The following ANKRD30B variants were observed in gnomAD, a reference collection of about 807,000 sequenced individuals.
ANKRD30B encodes the protein ankyrin repeat domain-containing protein 30B.
Under a neutral mutation model 202.2 loss-of-function variants are expected in ANKRD30B, and 144 were observed. That is an observed-to-expected ratio of 0.71 (90% confidence interval 0.62 to 0.82). The LOEUF is 0.82. Ranked by LOEUF, ANKRD30B falls within the 40% of genes least tolerant of loss-of-function variation. The probability of loss-of-function intolerance (pLI) is 0.00; values close to 1 mark genes in which losing one functional copy is unlikely to be tolerated. For synonymous variants in ANKRD30B, 508 were observed against 561.3 expected, an observed-to-expected ratio of 0.91 and a Z score of 1.34; for missense variants, 1,487 against 1,669.1, an observed-to-expected ratio of 0.89 and a Z score of 1.90.
the ANKRD30B span, among the ~76,000 whole-genome samples, chr18:14,940,427 C>G: frequency 6.6e-6 from 1 of 152,158 alleles, no homozygotes; most frequent in African/African-American, 2.4e-5. Context: ...AGTTGGGGGT[C>G]TATCCACCAC....
the ANKRD30B span, among the ~76,000 whole-genome samples, chr18:14,907,680 G>A: frequency 1.6e-4 from 25 of 152,308 alleles, no homozygotes; most frequent in Non-Finnish European, 2.5e-4. Flanking sequence ...GCATGTCCCG[G>A]ATGTAGCTGT....
intron 41 of ANKRD30B, among the ~76,000 whole-genome samples, chr18:14,851,308 G>A (rs546263752): frequency 1.4e-5 from 2 of 146,958 alleles, no homozygotes; most frequent in South Asian, 4.3e-4. Flanking sequence ...TCATGAATTC[G>A]TTGTCTCCAA....
At position 14,790,997 on chromosome 18, in the gene ANKRD30B, T is replaced by G. The variant is rs985034927; in HGVS notation, c.1735-404T>G. Among the ~76,000 whole-genome samples, 66 of 152,224 alleles carry G rather than the reference T, an allele frequency of 4.3e-4. 3 individuals are homozygous for G. Among genetic ancestry groups the G allele is most frequent in the Non-Finnish European group, 4.4e-5 (3 of 68,042 alleles). ...GTTCCTCCTTATACCTCTGGAAGAA[T>G]TCGGCTGTAAATCCATCTGGTCCTG... On this transcript the variant is annotated intron_variant, in intron 15 of 43. Transcript: ENST00000690538.
At chr18:14,790,273 C>G (rs1417713803) in intron 15 of ANKRD30B, among the ~76,000 whole-genome samples, 3 of 152,116 alleles carry the variant, frequency 2.0e-5, no homozygotes, top group African/African-American at 7.2e-5. Context: ...TGCTTATCAG[C>G]TTAAGGAGAT....
At chr18:14,932,036 C>G in the ANKRD30B span, among the ~76,000 whole-genome samples, 2 of 128,338 alleles carry the variant, frequency 1.6e-5, no homozygotes, top group Non-Finnish European at 1.7e-5. Context: ...GGCGCCCCAC[C>G]CCACCTCCCT....
In ANKRD30B at chr18:14,822,521, T is replaced by A. The variant is rs1442941009; in HGVS notation, c.2670+10T>A. On this transcript the variant is annotated intron_variant, in intron 31 of 43. Coordinates refer to ENST00000690538, the MANE Select transcript of ANKRD30B (RefSeq NM_001367607.2). ...AGATGGTCTTCTGAAGGTAATAACT[T>A]TTATATTTTTATCTTGAATATTAAC... 2 of 1,302,500 alleles carry A rather than the reference T, an allele frequency of 1.5e-6. No individual in the cohort carries two copies. The highest frequency in any genetic ancestry group is 4.9e-5 in the East Asian group (2 of 40,662). 80.7% of individuals were successfully genotyped at this position (1,302,500 alleles called of 1,614,324 possible). A position where few individuals can be genotyped will look rare whatever the true frequency, so the allele number is the denominator to read the frequency against.
At chr18:14,929,940 G>A in the ANKRD30B span, among the ~76,000 whole-genome samples, 1 of 152,146 alleles carries the variant, frequency 6.6e-6, no homozygotes, top group South Asian at 2.1e-4. Flanking sequence ...CAGCCAGATG[G>A]AGTCCCAGCA....
chr18:14,821,521 G>C lies in ANKRD30B; in HGVS notation c.2642-962G>C, dbSNP rs756454734. ...CATCCAGGCTGGAGCGCAGTGGCAC[G>C]ATCTTGACTCACTGCCACCTCCGCC... On this transcript the variant is annotated intron_variant, in intron 30 of 43. Coordinates refer to ENST00000690538, the MANE Select transcript of ANKRD30B (RefSeq NM_001367607.2). Among the ~76,000 whole-genome samples, 3 of 152,230 alleles carry C rather than the reference G, an allele frequency of 2.0e-5. No individual in the cohort carries two copies. In the Middle Eastern group the frequency reaches 0.01, roughly 518 times the overall value.
chr18:14,757,560 T>C (rs1914566838), intron 4 of ANKRD30B, among the ~76,000 whole-genome samples: 1 of 152,204 alleles, frequency 6.6e-6, no homozygotes, highest in Non-Finnish European at 1.5e-5. Context: ...TCTTTGCCTC[T>C]TTTAGGTTAG....
intron 30 of ANKRD30B, chr18:14,816,609 C>T (rs1243770212): frequency 1.3e-5 from 2 of 148,448 alleles, no homozygotes; most frequent in Non-Finnish European, 3.0e-5. Flanking sequence ...CATGCACCTA[C>T]ACTCCAGCCT....
chr18:14,749,544 G>T (rs1475423564), intron 1 of ANKRD30B, among the ~76,000 whole-genome samples: 1 of 151,758 alleles, frequency 6.6e-6, no homozygotes, highest in Non-Finnish European at 1.5e-5. Context: ...GATGTCGGGT[G>T]CCTGTAATCC....
the ANKRD30B span, among the ~76,000 whole-genome samples, chr18:14,876,237 T>C: frequency 6.6e-6 from 1 of 152,076 alleles, no homozygotes; most frequent in Non-Finnish European, 1.5e-5. Context: ...ATTTGATATG[T>C]GTCCTTGATT....
chr18:14,794,138 AC>A (rs999290831), intron 16 of ANKRD30B, among the ~76,000 whole-genome samples: 57 of 152,304 alleles, frequency 3.7e-4, no homozygotes, highest in African/African-American at 1.3e-3. Flanking sequence ...ATGCCATGTG[AC>A]CTGTCCTGAT....
chr18:14,793,202 G>T (rs1210587804), intron 16 of ANKRD30B, among the ~76,000 whole-genome samples: 1 of 151,804 alleles, frequency 6.6e-6, no homozygotes, highest in East Asian at 1.9e-4. Context: ...TTAGTATTAT[G>T]CTCCAAGTAT....
intron 39 of ANKRD30B, among the ~76,000 whole-genome samples, chr18:14,848,250 A>T (rs1399122942): frequency 2.0e-5 from 3 of 151,776 alleles, no homozygotes; most frequent in Non-Finnish European, 4.4e-5. Context: ...ATTTTTAGTT[A>T]TTTTAGCTAA....
At chr18:14,917,579 G>A in the ANKRD30B span, among the ~76,000 whole-genome samples, 3 of 152,226 alleles carry the variant, frequency 2.0e-5, no homozygotes, top group Non-Finnish European at 4.4e-5. Context: ...GGGGAGAAAA[G>A]GGAGAGGGAT....
intron 10 of ANKRD30B, 110 bp downstream of exon 10, chr18:14,778,185 C>G (rs761060286): frequency 1.3e-5 from 9 of 715,564 alleles, no homozygotes; most frequent in Admixed American, 2.8e-5. Context: ...ATGCATAACA[C>G]GGAAGAACAA....
intron 37 of ANKRD30B, among the ~76,000 whole-genome samples, chr18:14,841,259 G>A (rs978747476): frequency 1.3e-5 from 2 of 152,174 alleles, no homozygotes; most frequent in African/African-American, 2.4e-5. Flanking sequence ...CAGTATAGAC[G>A]AGAAGTTTTC....
intron 30 of ANKRD30B, among the ~76,000 whole-genome samples, chr18:14,818,039 G>T (rs1054033383): frequency 1.3e-5 from 2 of 152,062 alleles, no homozygotes; most frequent in African/African-American, 4.8e-5. Context: ...ATATATTAAA[G>T]TATGTTGTAC....
Sources: gnomAD v4.1 joint callset for allele counts (sites outside exome capture counted in the v4.1 genomes callset) on GRCh38, gnomAD v4.1.1 for gene constraint, MANE v1.5 for transcripts, NCBI Gene and HGNC (gene_info 2026-07-23, HGNC 2026-07-21) for gene names.